The following PAWR variants were observed in gnomAD, a reference collection of about 807,000 sequenced individuals.
PAWR encodes pro-apoptotic WT1 regulator, also known as PRKC apoptosis WT1 regulator protein.
In PAWR, 23 loss-of-function variants were observed where a neutral mutation model predicts 32.0. The ratio of observed to expected loss-of-function variants is 0.72; its 90% CI spans 0.52 to 1.02. PAWR has a LOEUF of 1.02. Among genes scored for constraint, PAWR ranks in the 50% least tolerant of loss-of-function variants. PAWR has a pLI of 0.00. For synonymous variants in PAWR, 226 were observed against 187.1 expected, an observed-to-expected ratio of 1.21 and a Z score of -1.70; for missense variants, 457 against 437.7, an observed-to-expected ratio of 1.04 and a Z score of -0.39.
At chr12:79,632,826 A>G (rs1181830582) in intron 2 of PAWR, among the ~76,000 whole-genome samples, 1 of 152,064 alleles carries the variant, frequency 6.6e-6, no homozygotes, top group African/African-American at 2.4e-5. Flanking sequence ...ATCAGTTACA[A>G]AAATAAGCTC....
intron 2 of PAWR, among the ~76,000 whole-genome samples, chr12:79,639,369 T>C (rs1876169726): frequency 6.6e-6 from 1 of 152,190 alleles, no homozygotes; most frequent in Non-Finnish European, 1.5e-5. Context: ...ATTTTCCTAG[T>C]AAAATACTTA....
chr12:79,637,197 G>A (rs2136760064), intron 2 of PAWR, among the ~76,000 whole-genome samples: 1 of 152,196 alleles, frequency 6.6e-6, no homozygotes, highest in Middle Eastern at 3.4e-3. Flanking sequence ...GATGGGCAGG[G>A]CAGTCTATTT....
chr12:79,651,660 G>A (rs544455083), intron 2 of PAWR, among the ~76,000 whole-genome samples: 59 of 141,206 alleles, frequency 4.2e-4, no homozygotes, highest in Non-Finnish European at 6.6e-4. Context: ...AGGATTGCTC[G>A]AGCCTAGGAG....
At chr12:79,632,359 A>ATT (rs1875742890) in intron 2 of PAWR, among the ~76,000 whole-genome samples, 3 of 17,184 alleles carry the variant, frequency 1.7e-4, no homozygotes, top group African/African-American at 3.2e-4. Context: ...ATATATATAT[A>ATT]TATTTTTTTT....
intron 4 of PAWR, among the ~76,000 whole-genome samples, chr12:79,612,871 A>G (rs1874504010): frequency 6.6e-6 from 1 of 152,160 alleles, no homozygotes; most frequent in African/African-American, 2.4e-5. Flanking sequence ...TACATACACA[A>G]ACACATTCTC....
At chr12:79,636,739 G>T (rs192652189) in intron 2 of PAWR, among the ~76,000 whole-genome samples, 2 of 151,978 alleles carry the variant, frequency 1.3e-5, no homozygotes, top group African/African-American at 4.8e-5. Flanking sequence ...ATTTACAACC[G>T]TTCGTAAAAT....
intron 2 of PAWR, among the ~76,000 whole-genome samples, chr12:79,648,970 T>C (rs906573551): frequency 3.9e-5 from 6 of 152,176 alleles, no homozygotes; most frequent in African/African-American, 1.2e-4. Flanking sequence ...CTAAAGGCTA[T>C]AATAATGTCA....
chr12:79,646,851 G>A (rs913527393), intron 2 of PAWR, among the ~76,000 whole-genome samples: 2 of 152,120 alleles, frequency 1.3e-5, no homozygotes, highest in African/African-American at 4.8e-5. Context: ...GCTTAGGCAA[G>A]GCAAAGTTTG....
At chr12:79,688,831 G>A (rs1020749594) in intron 2 of PAWR, among the ~76,000 whole-genome samples, 1 of 152,170 alleles carries the variant, frequency 6.6e-6, no homozygotes, top group Non-Finnish European at 1.5e-5. Context: ...GTGAAACAAG[G>A]TAGTTGAACC....
chr12:79,600,839 A>G (rs570589996), intron 4 of PAWR, among the ~76,000 whole-genome samples: 2 of 152,272 alleles, frequency 1.3e-5, no homozygotes, highest in African/African-American at 4.8e-5. Context: ...ACATTGTAAC[A>G]GCCCTGCTGG....
At chr12:79,610,984 C>G (rs1461985930) in intron 4 of PAWR, among the ~76,000 whole-genome samples, 1 of 151,066 alleles carries the variant, frequency 6.6e-6, no homozygotes, top group Non-Finnish European at 1.5e-5. Context: ...CATAATTAGA[C>G]TGAGCACATA....
chr12:79,690,263 C>G lies in PAWR; in HGVS notation c.-19G>C, dbSNP rs937262751. Reference sequence around the variant, plus strand: ...TCGCCATATTCCCAAAGGGGCCGGTCGGGCTCTCACCTCAGGCCGCCCACC... The same window carrying G: ...TCGCCATATTCCCAAAGGGGCCGGTGGGGCTCTCACCTCAGGCCGCCCACC... On this transcript the variant is annotated 5_prime_UTR_variant, in exon 2 of 7. Coordinates refer to ENST00000328827, the MANE Select transcript of PAWR (RefSeq NM_002583.4). 5 of 1,485,024 alleles carry G rather than the reference C, an allele frequency of 3.4e-6. No individual in the cohort carries two copies. The African/African-American group carries it at 7.3e-5, about 22-fold the overall frequency. 92.0% of individuals were successfully genotyped at this position (1,485,024 alleles called of 1,614,324 possible).
intron 2 of PAWR, among the ~76,000 whole-genome samples, chr12:79,662,063 C>A (rs780965175): frequency 2.0e-5 from 3 of 151,936 alleles, no homozygotes; most frequent in African/African-American, 7.3e-5. Context: ...AGAAAAATCT[C>A]AGTCAATACG....
At chr12:79,685,768 A>G (rs1878653666) in intron 2 of PAWR, among the ~76,000 whole-genome samples, 1 of 152,204 alleles carries the variant, frequency 6.6e-6, no homozygotes. Flanking sequence ...CCTCATTCAG[A>G]TGTTTAAATT....
intron 2 of PAWR, among the ~76,000 whole-genome samples, chr12:79,678,392 C>A (rs1323223570): frequency 6.6e-6 from 1 of 152,222 alleles, no homozygotes; most frequent in Non-Finnish European, 1.5e-5. Context: ...TCCATTCACT[C>A]CCCATCATGA....
intron 2 of PAWR, 135 bp from the exon 3 acceptor site, chr12:79,621,342 T>C: frequency 1.5e-6 from 1 of 666,782 alleles, no homozygotes. Context: ...AGTATTTTTC[T>C]TTCAGCAATA....
At chr12:79,673,194 C>T (rs939689271) in intron 2 of PAWR, among the ~76,000 whole-genome samples, 3 of 152,072 alleles carry the variant, frequency 2.0e-5, no homozygotes, top group East Asian at 1.9e-4. Flanking sequence ...CTCAGCCTCC[C>T]GAGTAGCTGG....
In PAWR at chr12:79,585,128, A is replaced by G. The variant is rs2136663470; in HGVS notation, c.*7479T>C. ...TTCTCCTGATACAATCTTTTGCAAC[A>G]TAACCAACAAAGATCAGGAGCTTAA... On this transcript the variant is annotated 3_prime_UTR_variant, in exon 7 of 7. Coordinates refer to ENST00000328827, the MANE Select transcript of PAWR (RefSeq NM_002583.4). 2.2e-6 allele frequency: 1 copy of G among 453,298 alleles called. No individual in the cohort carries two copies. The highest frequency in any genetic ancestry group is 1.6e-5 in the South Asian group (1 of 63,732). 28.1% of individuals were successfully genotyped at this position (453,298 alleles called of 1,614,324 possible).
chr12:79,613,517 A>G, intron 4 of PAWR, 58 bp downstream of exon 4: 1 of 896,980 alleles, frequency 1.1e-6, no homozygotes, highest in Non-Finnish European at 1.8e-6. Flanking sequence ...AGTTAAGTCA[A>G]TGTCAGACAG....
Sources: gnomAD v4.1 joint callset for allele counts (sites outside exome capture counted in the v4.1 genomes callset) on GRCh38, gnomAD v4.1.1 for gene constraint, MANE v1.5 for transcripts, NCBI Gene and HGNC (gene_info 2026-07-23, HGNC 2026-07-21) for gene names.